The following NHSL1 variants were observed in gnomAD, a reference collection of about 807,000 sequenced individuals.
The protein encoded by NHSL1 is NHS-like protein 1.
NHSL1 carries 48 observed loss-of-function variants against 95.0 expected under a neutral mutation model. That is an observed-to-expected ratio of 0.51 (90% CI 0.40 to 0.64). The LOEUF (loss-of-function observed/expected upper bound fraction) is 0.64. Ranked by LOEUF, NHSL1 falls within the 30% of genes least tolerant of loss-of-function variation. The pLI, the probability that NHSL1 is intolerant of heterozygous loss-of-function variation, is 0.00. For missense variants in NHSL1, 1,971 were observed against 2,077.7 expected (o/e 0.95, Z 1.00); for synonymous variants, 783 against 833.9 (o/e 0.94, Z 1.05).
At chr6:138,590,612 C>T (rs1784210949) in intron 1 of NHSL1, among the ~76,000 whole-genome samples, 1 of 152,190 alleles carries the variant, frequency 6.6e-6, no homozygotes, top group Non-Finnish European at 1.5e-5. Flanking sequence ...TCCCCAACAA[C>T]AGAGTCCAAC....
chr6:138,428,295 G>A (rs1775396225), intron 7 of NHSL1, among the ~76,000 whole-genome samples: 1 of 152,172 alleles, frequency 6.6e-6, no homozygotes, highest in Non-Finnish European at 1.5e-5. Context: ...TCTTCTAATG[G>A]TTAAATACCA....
chr6:138,454,891 G>A (rs1777480776), intron 3 of NHSL1, among the ~76,000 whole-genome samples: 1 of 152,244 alleles, frequency 6.6e-6, no homozygotes, highest in Admixed American at 6.5e-5. Flanking sequence ...GCCTTTCCAT[G>A]TGCCAAGTGC....
chr6:138,627,951 CA>C (rs1455813813), intron 1 of NHSL1, among the ~76,000 whole-genome samples: 1 of 151,990 alleles, frequency 6.6e-6, no homozygotes, highest in African/African-American at 2.4e-5. Flanking sequence ...ATATTCTTGT[CA>C]ACATATTTTA....
intron 3 of NHSL1, among the ~76,000 whole-genome samples, chr6:138,466,592 G>A (rs932595345): frequency 1.3e-5 from 2 of 152,098 alleles, no homozygotes; most frequent in Non-Finnish European, 2.9e-5. Context: ...ACAGTCATGT[G>A]CAGCATAATG....
At chr6:138,662,673 C>T (rs757201065) in intron 1 of NHSL1, among the ~76,000 whole-genome samples, 2 of 152,120 alleles carry the variant, frequency 1.3e-5, no homozygotes, top group South Asian at 4.1e-4. Context: ...ATTTTGGATG[C>T]TTGAGTATTT....
intron 1 of NHSL1, among the ~76,000 whole-genome samples, chr6:138,498,020 C>T (rs1270641394): frequency 6.6e-6 from 1 of 152,172 alleles, no homozygotes; most frequent in Non-Finnish European, 1.5e-5. Context: ...AAATGTTTTG[C>T]ATGGTGCATA....
upstream of NHSL1, among the ~76,000 whole-genome samples, chr6:138,499,937 C>T (rs1306620220): frequency 6.6e-6 from 1 of 152,144 alleles, no homozygotes; most frequent in African/African-American, 2.4e-5. Flanking sequence ...ATAGAATCTC[C>T]AAGGAGCTGC....
chr6:138,610,822 A>T (rs1475163249), intron 1 of NHSL1, among the ~76,000 whole-genome samples: 1 of 152,156 alleles, frequency 6.6e-6, no homozygotes, highest in East Asian at 1.9e-4. Flanking sequence ...TCATGCCTGT[A>T]ATCCCAGCAA....
chr6:138,483,284 G>T (rs548968834), intron 2 of NHSL1, among the ~76,000 whole-genome samples: 15 of 152,148 alleles, frequency 9.9e-5, no homozygotes, highest in South Asian at 6.2e-4. Flanking sequence ...GGAAAAGAGG[G>T]TTGGTCTGTT....
chr6:138,537,468 T>C (rs1409502690), intron 1 of NHSL1, among the ~76,000 whole-genome samples: 1 of 152,226 alleles, frequency 6.6e-6, no homozygotes, highest in Non-Finnish European at 1.5e-5. Flanking sequence ...GTAGAAATAC[T>C]ACATTTGCAA....
intron 1 of NHSL1, among the ~76,000 whole-genome samples, chr6:138,661,823 T>C (rs148130620): frequency 1.3e-5 from 2 of 152,080 alleles, no homozygotes; most frequent in Non-Finnish European, 2.9e-5. Context: ...TCCCAGCACT[T>C]TGAGAGGCTG....
rs146571546 is a variant in NHSL1 at position 138,582,905 on chromosome 6, AACT to A, written c.97-86537_97-86535del. Reference sequence around the variant, plus strand: ...ATGTTTATTGGGTCCTGTATCACTTAACTACTGCTGCCTCCCAAACTCCTGCAA... The same window carrying A: ...ATGTTTATTGGGTCCTGTATCACTTAACTGCTGCCTCCCAAACTCCTGCAA... On this transcript the variant is annotated intron_variant, in intron 1 of 3. Coordinates refer to the NHSL1 transcript ENST00000491526. Among the ~76,000 whole-genome samples, 518 of 152,314 alleles carry A rather than the reference AACT, an allele frequency of 3.4e-3. 3 individuals carry two copies. Among genetic ancestry groups the A allele is most frequent in the Middle Eastern group, 0.02 (6 of 294 alleles).
At chr6:138,624,016 A>G (rs1784701755) in intron 1 of NHSL1, among the ~76,000 whole-genome samples, 1 of 152,152 alleles carries the variant, frequency 6.6e-6, no homozygotes, top group South Asian at 2.1e-4. Flanking sequence ...CTCCCCAGCC[A>G]TGTGGAACTG....
intron 1 of NHSL1, among the ~76,000 whole-genome samples, chr6:138,510,001 C>T (rs954371164): frequency 6.6e-6 from 1 of 152,194 alleles, no homozygotes; most frequent in Non-Finnish European, 1.5e-5. Context: ...ATTCTGAAAT[C>T]ACTCTGTCCA....
chr6:138,659,862 G>C (rs932707874), intron 1 of NHSL1, among the ~76,000 whole-genome samples: 2 of 151,950 alleles, frequency 1.3e-5, no homozygotes. Flanking sequence ...TTACAGGCAT[G>C]CACCATCACA....
At chr6:138,551,511 T>G (rs1451457288) in intron 1 of NHSL1, among the ~76,000 whole-genome samples, 2 of 152,202 alleles carry the variant, frequency 1.3e-5, no homozygotes, top group Non-Finnish European at 2.9e-5. Context: ...GTGGCACCTA[T>G]GACCATGACT....
At chr6:138,693,003 C>G (rs998936450), upstream of NHSL1, among the ~76,000 whole-genome samples, 1 of 151,096 alleles carries the variant, frequency 6.6e-6, no homozygotes, top group Non-Finnish European at 1.5e-5. The surrounding 1 kb of genome is among the most constrained non-coding windows in gnomAD (Gnocchi z 4.3). Context: ...CCGTGGCTGC[C>G]TGGCGCCCGG....
At chr6:138,641,247 T>C (rs563798991) in intron 1 of NHSL1, among the ~76,000 whole-genome samples, 1 of 152,176 alleles carries the variant, frequency 6.6e-6, no homozygotes, top group Non-Finnish European at 1.5e-5. Flanking sequence ...GCTGTATACA[T>C]TCTCTAATTT....
chr6:138,493,606 T>C (rs1355406755), intron 2 of NHSL1, among the ~76,000 whole-genome samples: 1 of 152,218 alleles, frequency 6.6e-6, no homozygotes, highest in African/African-American at 2.4e-5. Context: ...AGCCAGACCA[T>C]GTAGTGCTCT....
Sources: gnomAD v4.1 joint callset for allele counts (sites outside exome capture counted in the v4.1 genomes callset) on GRCh38, gnomAD v4.1.1 for gene constraint, Gnocchi (gnomAD v3.1) non-coding constraint, MANE v1.5 for transcripts, NCBI Gene and HGNC (gene_info 2026-07-23, HGNC 2026-07-21) for gene names.